The following LARP6 variants were observed in gnomAD, a reference collection of about 807,000 sequenced individuals.
LARP6 encodes the protein La ribonucleoprotein 6, translational regulator, also known as la-related protein 6.
Under a neutral mutation model 32.8 loss-of-function variants are expected in LARP6, and 18 were observed. The ratio of observed to expected loss-of-function variants is 0.55; its 90% CI spans 0.38 to 0.81. The LOEUF (loss-of-function observed/expected upper bound fraction) is 0.81. LARP6 is among the 40% of genes least tolerant of loss of function. The pLI is 0.00. For missense variants in LARP6, 598 were observed against 663.1 expected, an observed-to-expected ratio of 0.90 and a Z score of 1.08; for synonymous variants, 289 against 267.2, an observed-to-expected ratio of 1.08 and a Z score of -0.80.
At chr15:70,847,977 C>T (rs955847730) in intron 1 of LARP6, among the ~76,000 whole-genome samples, 5 of 151,702 alleles carry the variant, frequency 3.3e-5, no homozygotes, top group Admixed American at 1.3e-4. Context: ...CACTAGGGTC[C>T]AGGTCCTGTC....
At chr15:70,846,652 A>ACATACATACATAC (rs1555423153) in intron 1 of LARP6, among the ~76,000 whole-genome samples, 2 of 150,606 alleles carry the variant, frequency 1.3e-5, no homozygotes, top group South Asian at 2.1e-4. Flanking sequence ...ATACATACAT[A>ACATACATACATAC]ATAAAAAAAA....
intron 1 of LARP6, among the ~76,000 whole-genome samples, chr15:70,846,817 T>C (rs2032356443): frequency 1.3e-5 from 2 of 152,192 alleles, no homozygotes; most frequent in Admixed American, 6.5e-5. Flanking sequence ...TTCTGGACTC[T>C]GTGCCTTTGA....
intron 2 of LARP6, among the ~76,000 whole-genome samples, chr15:70,835,995 C>A (rs985630457): frequency 3.9e-5 from 6 of 152,156 alleles, no homozygotes; most frequent in Non-Finnish European, 8.8e-5. Context: ...GTATCACATC[C>A]TCCTGGCCAC....
chr15:70,840,459 G>C (rs2032232242), intron 1 of LARP6, among the ~76,000 whole-genome samples: 1 of 152,188 alleles, frequency 6.6e-6, no homozygotes, highest in Non-Finnish European at 1.5e-5. Context: ...AGAATCGCTT[G>C]AACCCGGCGG....
At chr15:70,833,612 A>G (rs1453356269) in intron 2 of LARP6, among the ~76,000 whole-genome samples, 1 of 152,228 alleles carries the variant, frequency 6.6e-6, no homozygotes, top group African/African-American at 2.4e-5. Context: ...ATACAAACTC[A>G]TTTACACATA....
intron 2 of LARP6, 27 bp downstream of exon 2, chr15:70,836,268 A>T: frequency 6.3e-7 from 1 of 1,597,352 alleles, no homozygotes; most frequent in Non-Finnish European, 8.6e-7. Flanking sequence ...GAAATCCTTG[A>T]AGCAGCTTCT....
At position 70,831,767 on chromosome 15, in the gene LARP6, A is replaced by C; in HGVS notation, c.*285T>G. ...CCATACCAAAGAACAGACTTCCCCC[A>C]GGGAACCTCCGTCCTACAGCCCTTC... On this transcript the variant is annotated 3_prime_UTR_variant, in exon 3 of 3. Transcript: ENST00000299213. 1 of 267,708 alleles carries C rather than the reference A, an allele frequency of 3.7e-6. No homozygotes were observed. Among genetic ancestry groups the C allele is most frequent in the Non-Finnish European group, 7.0e-6 (1 of 143,614 alleles). 16.6% of individuals were successfully genotyped at this position (267,708 alleles called of 1,614,324 possible).
chr15:70,851,841 G>A (rs1050722684), intron 1 of LARP6: 1 of 1,521,220 alleles, frequency 6.6e-7, no homozygotes, highest in Non-Finnish European at 8.9e-7. Context: ...GGGATTGGGG[G>A]TGGTGGAGAA....
intron 1 of LARP6, 59 bp downstream of exon 1, chr15:70,853,806 GTCGCGCGCAGTCAGCGCCCCGAAC>G: frequency 9.7e-7 from 1 of 1,032,728 alleles, no homozygotes; most frequent in East Asian, 3.6e-5. Context: ...CCGAGGAGTT[GTCGCGCGCAGTCAGCGCCCCGAAC>G]TCGCGCGCGG....
At chr15:70,840,496 C>T (rs922559808) in intron 1 of LARP6, among the ~76,000 whole-genome samples, 2 of 152,086 alleles carry the variant, frequency 1.3e-5, no homozygotes, top group Non-Finnish European at 2.9e-5. Flanking sequence ...GCCGGGATCG[C>T]GCCACTGCAC....
intron 1 of LARP6, among the ~76,000 whole-genome samples, chr15:70,846,617 A>AAAAAATACATAC (rs2032350146): frequency 1.4e-5 from 1 of 73,182 alleles, no homozygotes; most frequent in African/African-American, 3.9e-5. Context: ...TCAAAAAATA[A>AAAAAATACATAC]ATAAATACAT....
At position 70,853,873 on chromosome 15, in the gene LARP6, C is replaced by CG; in HGVS notation, c.200+15_200+16insC. 1 of 1,262,386 alleles carries CG rather than the reference C, an allele frequency of 7.9e-7. No homozygotes were observed. The highest frequency in any genetic ancestry group is 2.8e-5 in the South Asian group (1 of 35,878). 78.2% of individuals were successfully genotyped at this position (1,262,386 alleles called of 1,614,324 possible). On this transcript the variant is annotated intron_variant, in intron 1 of 2. Transcript: ENST00000299213. ...CCCCCTCGGGGCCCACCTCCCGGGC[C>CG]AGCCGCCGCGCCTACCTGTGCCCGC...
intron 2 of LARP6, 49 bp from the exon 3 acceptor site, chr15:70,833,165 T>A: frequency 6.7e-7 from 1 of 1,485,784 alleles, no homozygotes; most frequent in East Asian, 2.3e-5. Context: ...TCCTTGTCCA[T>A]CCTTGTGTAT....
chr15:70,851,594 A>G (rs113224401), intron 1 of LARP6: 1 of 1,596,732 alleles, frequency 6.3e-7, no homozygotes, highest in South Asian at 1.1e-5. Flanking sequence ...AACACCATTG[A>G]GTGAGTGTGA....
rs779374027 is a variant in LARP6 at position 70,832,212 on chromosome 15, G to T, written c.1316C>A (p.Ala439Asp). ...GSPWVRRRRQ[A>D]EMGTQEKSPG... ...GCTTTTCTCCTGGGTCCCCATCTCG[G>T]CTTGGCGACGCCTCCGGACCCAGGG... The change falls in exon 3 of 3, where the codon GCC (alanine) becomes GAC (aspartate). Residue 439 changes from alanine (A) to aspartate (D), a missense_variant. Transcript: ENST00000299213. The T allele has an allele frequency of 6.2e-7, 1 of 1,613,488 alleles. No homozygotes were observed. Among genetic ancestry groups the T allele is most frequent in the Non-Finnish European group, 8.5e-7 (1 of 1,179,760 alleles).
In LARP6 at chr15:70,833,006, T is replaced by A. The variant is rs1227545998; in HGVS notation, c.522A>T (p.Pro174=). 5 of 1,613,038 alleles carry A rather than the reference T, an allele frequency of 3.1e-6. No individual in the cohort carries two copies. The highest frequency in any genetic ancestry group is 3.4e-6 in the Non-Finnish European group (4 of 1,179,544). ...TGGGGAGGTTCTCGTTGGGGAACAGTGGGACGGGGGTGGTCCTCCTCACCT... is the reference window on the plus strand; with the variant it reads ...TGGGGAGGTTCTCGTTGGGGAACAGAGGGACGGGGGTGGTCCTCCTCACCT... ...HRKVRRTTPV[P]LFPNENLPSK... Residue 174 remains proline (P), a synonymous_variant, in exon 3 of 3, where the codon CCA becomes CCT. Coordinates refer to ENST00000299213, the MANE Select transcript of LARP6 (RefSeq NM_018357.4).
Position 70,832,100 on chromosome 15 carries a change from G to A in LARP6, c.1428C>T (p.Asp476=). The A allele has an allele frequency of 6.4e-7, 1 of 1,570,446 alleles. No individual in the cohort carries two copies. Among genetic ancestry groups the A allele is most frequent in the Non-Finnish European group, 8.6e-7 (1 of 1,159,036 alleles). The stretch of plus-strand genomic sequence containing the variant: ...CATGGCCATGAAATCCTCTGGTGTT[G>A]TCAGGACCCCTGGGCAACCTCAGCA... ...VGVLRLPRGP[D]NTRGFHGHER... is the part of the protein sequence containing the mutation. Residue 476 remains aspartate (D), a synonymous_variant, in exon 3 of 3, where the codon GAC becomes GAT. Transcript: ENST00000299213.
chr15:70,830,977 C>T lies in LARP6; in HGVS notation c.*1075G>A, dbSNP rs1469388778. The T allele has an allele frequency of 6.6e-6, 1 of 152,202 alleles. No homozygotes were observed. Among genetic ancestry groups the T allele is most frequent in the Non-Finnish European group, 1.5e-5 (1 of 68,050 alleles). The allele number at this position is 152,202 out of a possible 1,614,324, so 9.4% of individuals were successfully genotyped here. A position where few individuals can be genotyped will look rare whatever the true frequency, so the allele number is the denominator to read the frequency against. ...CGGGGCTTAGTAACCTTCCCAAGGT[C>T]ACAAAATAGTGAGAGATTGGGGGTC... is the stretch of plus-strand genomic sequence containing the variant. On this transcript the variant is annotated 3_prime_UTR_variant, in exon 3 of 3. Transcript: ENST00000299213.
At position 70,830,846 on chromosome 15, in the gene LARP6, A is replaced by G. The variant is rs1261623374; in HGVS notation, c.*1206T>C. ...AAGGCAGCTCCTGATGATAACAAAC[A>G]TTAACCCAAGTGAGAAGGAAAGAGA... On this transcript the variant is annotated 3_prime_UTR_variant, in exon 3 of 3. Coordinates refer to ENST00000299213, the MANE Select transcript of LARP6 (RefSeq NM_018357.4). The G allele has an allele frequency of 6.6e-6, 1 of 152,242 alleles. No homozygotes were observed. Among genetic ancestry groups the G allele is most frequent in the Admixed American group, 6.5e-5 (1 of 15,284 alleles). 9.4% of individuals were successfully genotyped at this position (152,242 alleles called of 1,614,324 possible). A position where few individuals can be genotyped will look rare whatever the true frequency, so the allele number is the denominator to read the frequency against.
Sources: allele counts gnomAD v4.1 joint callset (sites outside exome capture counted in the v4.1 genomes callset), GRCh38; gene constraint gnomAD v4.1.1; transcripts MANE v1.5; gene names NCBI Gene and HGNC (gene_info 2026-07-23, HGNC 2026-07-21).